EBF1: variants seen among roughly 807,000 people sequenced by gnomAD.
EBF1 encodes the protein EBF transcription factor 1.
Under a neutral mutation model 68.4 loss-of-function variants are expected in EBF1, and 10 were observed. That is an observed-to-expected ratio of 0.15 (90% CI 0.09 to 0.25). The LOEUF (loss-of-function observed/expected upper bound fraction) is 0.25. Ranked by LOEUF, EBF1 falls within the 10% of genes least tolerant of loss-of-function variation. The pLI, the probability that EBF1 is intolerant of heterozygous loss-of-function variation, is 1.00. For missense variants in EBF1, 509 were observed against 794.4 expected, an observed-to-expected ratio of 0.64 and a Z score of 4.32; for synonymous variants, 298 against 299.8, an observed-to-expected ratio of 0.99 and a Z score of 0.06.
At chr5:158,938,891 C>T (rs1425049970) in intron 6 of EBF1, among the ~76,000 whole-genome samples, 3 of 152,158 alleles carry the variant, frequency 2.0e-5, no homozygotes, top group African/African-American at 7.2e-5. Context: ...CAAAGCTCTT[C>T]TTTTTTTAGG....
At chr5:158,804,287 A>G (rs1033877326) in intron 8 of EBF1, among the ~76,000 whole-genome samples, 4 of 152,026 alleles carry the variant, frequency 2.6e-5, no homozygotes, top group African/African-American at 9.7e-5. Context: ...TTAGCAAAAT[A>G]GTGTCTAAGT....
At chr5:158,763,819 C>T (rs926932457) in intron 10 of EBF1, among the ~76,000 whole-genome samples, 4 of 152,156 alleles carry the variant, frequency 2.6e-5, no homozygotes, top group African/African-American at 9.7e-5. Flanking sequence ...GTGATCTGCT[C>T]TGGTTTTGTA....
chr5:158,878,484 CTA>C (rs1798208301), intron 6 of EBF1, among the ~76,000 whole-genome samples: 1 of 152,136 alleles, frequency 6.6e-6, no homozygotes, highest in Non-Finnish European at 1.5e-5. Context: ...CTGCTAAATG[CTA>C]TGTCTCATTT....
chr5:158,775,759 CACACACACACACACATGCACACAG>C (rs1775016764), intron 10 of EBF1, among the ~76,000 whole-genome samples: 1 of 138,462 alleles, frequency 7.2e-6, no homozygotes, highest in Non-Finnish European at 1.5e-5. Flanking sequence ...CACACACACA[CACACACACACACACATGCACACAG>C]ACACACACAC....
intron 6 of EBF1, among the ~76,000 whole-genome samples, chr5:158,932,761 T>C (rs1811162025): frequency 6.6e-6 from 1 of 152,232 alleles, no homozygotes; most frequent in Non-Finnish European, 1.5e-5. Context: ...GGAACTGCTA[T>C]TATGAGACTT....
intron 7 of EBF1, among the ~76,000 whole-genome samples, chr5:158,825,171 T>C (rs1327236088): frequency 6.6e-6 from 1 of 152,192 alleles, no homozygotes. Flanking sequence ...GCTTGTATGT[T>C]TACAGGTTAA....
intron 6 of EBF1, among the ~76,000 whole-genome samples, chr5:159,061,784 C>A (rs1486684891): frequency 6.6e-6 from 1 of 151,622 alleles, no homozygotes; most frequent in African/African-American, 2.4e-5. Flanking sequence ...AGGAATCTAA[C>A]TGGACTCTTC....
chr5:158,800,171 A>G (rs2127757363), intron 8 of EBF1, among the ~76,000 whole-genome samples: 1 of 152,310 alleles, frequency 6.6e-6, no homozygotes, highest in East Asian at 1.9e-4. Flanking sequence ...ACACAAAACA[A>G]TTCTATAAAC....
chr5:159,099,221 AGCG>A, intron 1 of EBF1, 121 bp downstream of exon 1: 1 of 679,730 alleles, frequency 1.5e-6, no homozygotes, highest in Non-Finnish European at 2.0e-6. Context: ...AGCGGAGCGC[AGCG>A]GCTGCGGACT....
chr5:158,934,342 G>A (rs1811531945), intron 6 of EBF1, among the ~76,000 whole-genome samples: 1 of 152,116 alleles, frequency 6.6e-6, no homozygotes, highest in Non-Finnish European at 1.5e-5. Flanking sequence ...ACTCGTACAA[G>A]AGCAATCCCA....
At chr5:158,903,031 C>T (rs2127306037) in intron 6 of EBF1, among the ~76,000 whole-genome samples, 1 of 152,252 alleles carries the variant, frequency 6.6e-6, no homozygotes, top group Admixed American at 6.5e-5. Flanking sequence ...ACTAAAATAA[C>T]TAAGACCTTC....
intron 6 of EBF1, among the ~76,000 whole-genome samples, chr5:159,060,310 A>G (rs968489743): frequency 6.6e-6 from 1 of 152,172 alleles, no homozygotes; most frequent in Admixed American, 6.5e-5. Flanking sequence ...CTATCAATGT[A>G]AAAAAAGCAT....
At chr5:159,062,517 C>G (rs1776059814) in intron 6 of EBF1, among the ~76,000 whole-genome samples, 1 of 152,054 alleles carries the variant, frequency 6.6e-6, no homozygotes, top group Non-Finnish European at 1.5e-5. Flanking sequence ...ATTCATTAAC[C>G]CTTCAATCTC....
intron 9 of EBF1, among the ~76,000 whole-genome samples, chr5:158,780,914 T>C (rs1776343179): frequency 6.6e-6 from 1 of 152,202 alleles, no homozygotes; most frequent in Admixed American, 6.5e-5. Flanking sequence ...GTAAATACTG[T>C]TCTAAGTGAT....
chr5:158,967,300 A>G (rs1314343914), intron 6 of EBF1, among the ~76,000 whole-genome samples: 1 of 152,198 alleles, frequency 6.6e-6, no homozygotes, highest in Non-Finnish European at 1.5e-5. Flanking sequence ...TTATTTTGGA[A>G]AGGCTAAACT....
intron 5 of EBF1, among the ~76,000 whole-genome samples, chr5:159,082,442 C>A (rs1203776228): frequency 6.6e-6 from 1 of 152,186 alleles, no homozygotes; most frequent in Non-Finnish European, 1.5e-5. Flanking sequence ...AATGGTGGTG[C>A]ATAGCAATTA....
chr5:158,976,101 T>G (rs1756688058), intron 6 of EBF1, among the ~76,000 whole-genome samples: 1 of 152,208 alleles, frequency 6.6e-6, no homozygotes, highest in Non-Finnish European at 1.5e-5. Flanking sequence ...CAAGACAGAA[T>G]GAAATTGGTC....
chr5:159,085,073 G>A (rs1387718658), intron 4 of EBF1, among the ~76,000 whole-genome samples: 1 of 152,178 alleles, frequency 6.6e-6, no homozygotes, highest in Non-Finnish European at 1.5e-5. Context: ...AGCAGATTGA[G>A]ATACTATTTA....
At chr5:158,847,396 C>T (rs1791728696) in intron 6 of EBF1, among the ~76,000 whole-genome samples, 1 of 152,142 alleles carries the variant, frequency 6.6e-6, no homozygotes, top group South Asian at 2.1e-4. Flanking sequence ...GGACAACTAA[C>T]CAGTTGCCAA....
Sources: allele counts gnomAD v4.1 joint callset (sites outside exome capture counted in the v4.1 genomes callset), GRCh38; gene constraint gnomAD v4.1.1; transcripts MANE v1.5; gene names NCBI Gene and HGNC (gene_info 2026-07-23, HGNC 2026-07-21).